CENPP: variants seen among roughly 807,000 people sequenced by gnomAD.
The protein encoded by CENPP is centromere protein P.
In CENPP, 24 loss-of-function variants were observed where a neutral mutation model predicts 35.6. The ratio of observed to expected loss-of-function variants is 0.67; its 90% CI spans 0.49 to 0.95. The LOEUF (loss-of-function observed/expected upper bound fraction) is 0.95, where lower values mean the gene tolerates loss of function less well. CENPP is among the 40% of genes least tolerant of loss of function. The probability of loss-of-function intolerance (pLI) is 0.00; values close to 1 mark genes in which losing one functional copy is unlikely to be tolerated. For synonymous variants in CENPP, 120 were observed against 125.5 expected, an observed-to-expected ratio of 0.96 and a Z score of 0.29; for missense variants, 332 against 345.3, an observed-to-expected ratio of 0.96 and a Z score of 0.31.
intron 4 of CENPP, among the ~76,000 whole-genome samples, chr9:92,370,801 A>G (rs1160802085): frequency 1.3e-5 from 2 of 152,046 alleles, no homozygotes; most frequent in Admixed American, 6.6e-5. Flanking sequence ...TGTTGATTCA[A>G]TCTCACTACT....
At chr9:92,395,349 C>T (rs1450064784) in intron 5 of CENPP, among the ~76,000 whole-genome samples, 2 of 152,126 alleles carry the variant, frequency 1.3e-5, no homozygotes, top group Non-Finnish European at 2.9e-5. Flanking sequence ...GATTTTCAAT[C>T]TTTATCAGTA....
intron 5 of CENPP, among the ~76,000 whole-genome samples, chr9:92,540,952 G>T (rs967959620): frequency 2.0e-5 from 3 of 151,512 alleles, no homozygotes; most frequent in African/African-American, 7.3e-5. Flanking sequence ...CAAAAGTTGG[G>T]GATTTTTTCT....
intron 5 of CENPP, chr9:92,457,182 A>G (rs1844906012): frequency 1.4e-6 from 2 of 1,453,388 alleles, no homozygotes; most frequent in East Asian, 2.5e-5. Context: ...TTGAGAATAG[A>G]TATTTGCTTG....
At chr9:92,416,098 ATTTTAT>A (rs1297187390) in intron 5 of CENPP, among the ~76,000 whole-genome samples, 6 of 133,530 alleles carry the variant, frequency 4.5e-5, no homozygotes, top group African/African-American at 1.8e-4. Context: ...TTATTTATTT[ATTTTAT>A]TTTTTTTTTT....
chr9:92,374,691 T>C (rs1393515596), intron 4 of CENPP, among the ~76,000 whole-genome samples: 1 of 152,244 alleles, frequency 6.6e-6, no homozygotes, highest in East Asian at 1.9e-4. Context: ...TAGTAATTTT[T>C]GTTTTATGCA....
At chr9:92,331,959 A>G (rs1840761972) in intron 1 of CENPP, among the ~76,000 whole-genome samples, 1 of 152,192 alleles carries the variant, frequency 6.6e-6, no homozygotes, top group Non-Finnish European at 1.5e-5. Context: ...TTAAAAAGGA[A>G]GAAAGAAAAA....
In CENPP at chr9:92,478,956, T is replaced by G. The variant is rs546570470; in HGVS notation, c.564+99097T>G. ...GCCAAGAACACATCGTGGTGTTCCTTGTGGCCTGGCAGCGGGAGCAAGGAC... is the reference window on the plus strand; with the variant it reads ...GCCAAGAACACATCGTGGTGTTCCTGGTGGCCTGGCAGCGGGAGCAAGGAC... On this transcript the variant is annotated intron_variant, in intron 5 of 7. Coordinates refer to ENST00000375587, the MANE Select transcript of CENPP (RefSeq NM_001012267.3). Among the ~76,000 whole-genome samples, 26 of 152,244 alleles carry G rather than the reference T, an allele frequency of 1.7e-4. 1 individual carries two copies. In the Middle Eastern group the frequency reaches 0.01, roughly 60 times the overall value.
At chr9:92,511,775 AC>A (rs1233184248) in intron 5 of CENPP, among the ~76,000 whole-genome samples, 1 of 152,182 alleles carries the variant, frequency 6.6e-6, no homozygotes, top group Non-Finnish European at 1.5e-5. Context: ...TAAAATCATT[AC>A]TTTTGTCACT....
intron 5 of CENPP, among the ~76,000 whole-genome samples, chr9:92,422,226 G>C (rs1318634257): frequency 6.6e-6 from 1 of 151,762 alleles, no homozygotes; most frequent in Non-Finnish European, 1.5e-5. Context: ...ACATTTTTTT[G>C]TATTTTTAGT....
chr9:92,380,197 A>G (rs1842212772), intron 5 of CENPP, among the ~76,000 whole-genome samples: 2 of 152,230 alleles, frequency 1.3e-5, no homozygotes, highest in Non-Finnish European at 2.9e-5. Flanking sequence ...ATGTAGTGGT[A>G]TACTGCTAAC....
chr9:92,366,177 CAAAAAAAAAA>C (rs79052877), intron 4 of CENPP, among the ~76,000 whole-genome samples: 1 of 52,070 alleles, frequency 1.9e-5, no homozygotes, highest in Non-Finnish European at 4.1e-5. Context: ...GACTCCGTCT[CAAAAAAAAAA>C]AAAAAAAAAA....
intron 5 of CENPP, among the ~76,000 whole-genome samples, chr9:92,501,601 G>A (rs746225992): frequency 3.9e-5 from 6 of 152,192 alleles, no homozygotes; most frequent in African/African-American, 7.2e-5. Context: ...TCTGGGGAAC[G>A]TGGTGAACTC....
chr9:92,484,406 C>G, intron 5 of CENPP, among the ~76,000 whole-genome samples: 1 of 152,264 alleles, frequency 6.6e-6, no homozygotes, highest in African/African-American at 2.4e-5. Flanking sequence ...CAGTGACATG[C>G]TTTTGAGATC....
chr9:92,538,851 A>T (rs557441060), intron 5 of CENPP, among the ~76,000 whole-genome samples: 1 of 152,332 alleles, frequency 6.6e-6, no homozygotes, highest in South Asian at 2.1e-4. Context: ...GCCTATGAAG[A>T]TTTAGACTCT....
At chr9:92,435,697 A>T (rs1844229809) in intron 5 of CENPP, among the ~76,000 whole-genome samples, 1 of 152,224 alleles carries the variant, frequency 6.6e-6, no homozygotes, top group Non-Finnish European at 1.5e-5. Context: ...GTGTCACTAA[A>T]CATAATTATC....
At chr9:92,356,444 C>A (rs1841591287) in intron 4 of CENPP, among the ~76,000 whole-genome samples, 1 of 152,148 alleles carries the variant, frequency 6.6e-6, no homozygotes, top group African/African-American at 2.4e-5. Context: ...CTATTCTGTT[C>A]TTTTTCAAGG....
At chr9:92,372,548 T>G (rs1018083976) in intron 4 of CENPP, among the ~76,000 whole-genome samples, 2 of 152,224 alleles carry the variant, frequency 1.3e-5, no homozygotes, top group African/African-American at 4.8e-5. Flanking sequence ...CACTTTCATG[T>G]GATTTCATGA....
In CENPP at chr9:92,525,915, A is replaced by AT. The variant is rs1848376078; in HGVS notation, c.565-85399_565-85398insT. ...CTCCAAAAAAAAAAAAAAAAAAAAA[A>AT]GCACATACAATTATGTACAGTACAG... On this transcript the variant is annotated intron_variant, in intron 5 of 7. Transcript: ENST00000375587. Among the ~76,000 whole-genome samples, 4 of 150,562 alleles carry AT rather than the reference A, an allele frequency of 2.7e-5. No individual in the cohort carries two copies. In the South Asian group the frequency reaches 8.5e-4, roughly 32 times the overall value.
At chr9:92,464,403 T>C (rs1036318427) in intron 5 of CENPP, among the ~76,000 whole-genome samples, 3 of 152,226 alleles carry the variant, frequency 2.0e-5, no homozygotes, top group African/African-American at 7.2e-5. Flanking sequence ...CAGACCTTTC[T>C]GTGTATTGGC....
Sources: gnomAD v4.1 joint callset for allele counts (sites outside exome capture counted in the v4.1 genomes callset) on GRCh38, gnomAD v4.1.1 for gene constraint, MANE v1.5 for transcripts, NCBI Gene and HGNC (gene_info 2026-07-23, HGNC 2026-07-21) for gene names.